The following PPARGC1A variants were observed in gnomAD, a reference collection of about 807,000 sequenced individuals.
PPARGC1A encodes PPARG coactivator 1 alpha.
A neutral mutation model predicts 88.7 loss-of-function variants in PPARGC1A; 25 were observed. The observed-to-expected ratio is 0.28, with a 90% CI of 0.21 to 0.39. The LOEUF (loss-of-function observed/expected upper bound fraction) is 0.39, where lower values mean the gene tolerates loss of function less well. PPARGC1A is among the 10% of genes least tolerant of loss of function. The probability of loss-of-function intolerance (pLI) is 1.00; values close to 1 mark genes in which losing one functional copy is unlikely to be tolerated. For synonymous variants in PPARGC1A, 363 were observed against 355.6 expected (o/e 1.02, Z -0.24); for missense variants, 880 against 968.7 (o/e 0.91, Z 1.22).
chr4:23,837,305 C>A (rs900465573), intron 2 of PPARGC1A, among the ~76,000 whole-genome samples: 2 of 151,548 alleles, frequency 1.3e-5, no homozygotes, highest in African/African-American at 4.9e-5. Flanking sequence ...CCTCTCTGAG[C>A]CTCTAATTTT....
At chr4:23,889,258 C>T in intron 1 of PPARGC1A, 1 of 985,384 alleles carries the variant, frequency 1.0e-6, no homozygotes, top group Non-Finnish European at 1.2e-6. Flanking sequence ...TCCCTGCCAC[C>T]GACGCGAACG....
At chr4:23,978,504 T>C in the PPARGC1A span, among the ~76,000 whole-genome samples, 4 of 152,188 alleles carry the variant, frequency 2.6e-5, no homozygotes, top group African/African-American at 9.6e-5. Context: ...TATGGATCCA[T>C]CTTGCCCACA....
the PPARGC1A span, among the ~76,000 whole-genome samples, chr4:23,930,025 T>C: frequency 6.6e-6 from 1 of 152,184 alleles, no homozygotes; most frequent in Admixed American, 6.5e-5. Context: ...AGACTCTGTT[T>C]TTTGTCACCC....
the PPARGC1A span, among the ~76,000 whole-genome samples, chr4:23,973,284 G>A: frequency 6.6e-6 from 1 of 152,200 alleles, no homozygotes; most frequent in Non-Finnish European, 1.5e-5. Context: ...ATTCTTTCCT[G>A]ATTTCCTCAG....
At chr4:23,828,251 TC>T in intron 5 of PPARGC1A, 148 bp downstream of exon 5, 2 of 795,694 alleles carry the variant, frequency 2.5e-6, no homozygotes, top group Non-Finnish European at 2.0e-6. Flanking sequence ...AAAGGTTTCT[TC>T]CCCCGCTCTG....
chr4:24,140,443 G>A, the PPARGC1A span, among the ~76,000 whole-genome samples: 1 of 152,112 alleles, frequency 6.6e-6, no homozygotes, highest in Non-Finnish European at 1.5e-5. Context: ...TTGTGACCGG[G>A]TCATTGGACA....
chr4:24,135,479 C>T, the PPARGC1A span, among the ~76,000 whole-genome samples: 3 of 152,150 alleles, frequency 2.0e-5, no homozygotes, highest in Non-Finnish European at 4.4e-5. Context: ...CCTGTGACAA[C>T]TCTTTGGCAT....
chr4:24,357,314 CAA>C, the PPARGC1A span, among the ~76,000 whole-genome samples: 1 of 152,230 alleles, frequency 6.6e-6, no homozygotes. Flanking sequence ...AGATGACCAA[CAA>C]ATGGCACAGC....
At chr4:24,186,562 T>C in the PPARGC1A span, among the ~76,000 whole-genome samples, 15 of 152,280 alleles carry the variant, frequency 9.9e-5, no homozygotes, top group East Asian at 2.7e-3. Context: ...TAACTGAGTA[T>C]GAATGCCAGT....
the PPARGC1A span, among the ~76,000 whole-genome samples, chr4:24,461,114 G>A: frequency 6.6e-6 from 1 of 152,096 alleles, no homozygotes; most frequent in Non-Finnish European, 1.5e-5. Context: ...TTGTAGAGGT[G>A]GGTCTTGCTA....
chr4:23,812,977 G>A (rs934071020), intron 9 of PPARGC1A, 44 bp downstream of exon 9: 7 of 1,611,488 alleles, frequency 4.3e-6, no homozygotes, highest in Non-Finnish European at 5.9e-6. Context: ...GTCATCTCAA[G>A]GAGGGGATAA....
chr4:24,055,925 T>C, the PPARGC1A span, among the ~76,000 whole-genome samples: 42,955 of 152,142 alleles, frequency 0.28, 6,836 homozygotes, highest in African/African-American at 0.42. Context: ...TTTCGTCAGG[T>C]TGAACCAGAG....
At chr4:24,096,256 C>T in the PPARGC1A span, among the ~76,000 whole-genome samples, 4 of 152,218 alleles carry the variant, frequency 2.6e-5, no homozygotes, top group Non-Finnish European at 5.9e-5. Context: ...CCTAGCAATG[C>T]TTTCTGTTAA....
the PPARGC1A span, among the ~76,000 whole-genome samples, chr4:24,393,146 A>C: frequency 2.5e-3 from 378 of 152,240 alleles, 5 homozygotes; most frequent in African/African-American, 8.6e-3. Flanking sequence ...CAAAATATTT[A>C]TGCTGAAGAA....
chr4:24,232,948 G>A, the PPARGC1A span, among the ~76,000 whole-genome samples: 1 of 152,182 alleles, frequency 6.6e-6, no homozygotes, highest in Non-Finnish European at 1.5e-5. Flanking sequence ...GTCAAAGACA[G>A]GTAAGTGTGA....
At chr4:24,210,310 T>C in the PPARGC1A span, among the ~76,000 whole-genome samples, 1 of 152,344 alleles carries the variant, frequency 6.6e-6, no homozygotes, top group Non-Finnish European at 1.5e-5. Flanking sequence ...ATAGAGATCA[T>C]ACCACCTTTT....
At chr4:23,822,312 C>A (rs1040027691) in intron 7 of PPARGC1A, among the ~76,000 whole-genome samples, 1 of 152,002 alleles carries the variant, frequency 6.6e-6, no homozygotes, top group Non-Finnish European at 1.5e-5. Context: ...GCTTCAAAAT[C>A]TGTGCATTTT....
intron 5 of PPARGC1A, among the ~76,000 whole-genome samples, chr4:23,827,360 T>C (rs1035125525): frequency 2.0e-5 from 3 of 151,584 alleles, no homozygotes; most frequent in African/African-American, 7.3e-5. Flanking sequence ...CACGAATTAA[T>C]CATGGTTCAA....
chr4:24,184,514 G>A, the PPARGC1A span, among the ~76,000 whole-genome samples: 2 of 152,182 alleles, frequency 1.3e-5, no homozygotes, highest in African/African-American at 4.8e-5. Context: ...GTTCCCAAGG[G>A]CAGAAATGGT....
Sources: allele counts gnomAD v4.1 joint callset (sites outside exome capture counted in the v4.1 genomes callset), GRCh38; gene constraint gnomAD v4.1.1; transcripts MANE v1.5; gene names NCBI Gene and HGNC (gene_info 2026-07-23, HGNC 2026-07-21).